Variants in CREBBP observed in about 807,000 individuals in gnomAD.
CREBBP encodes the protein CREB-binding protein.
In CREBBP, 19 loss-of-function variants were observed where a neutral mutation model predicts 265.0. The observed-to-expected ratio is 0.07, with a 90% confidence interval of 0.05 to 0.11. CREBBP has a LOEUF of 0.11. CREBBP is among the 10% of genes least tolerant of loss of function. The pLI is 1.00. For synonymous variants in CREBBP, 1,457 were observed against 1,223.7 expected, an observed-to-expected ratio of 1.19 and a Z score of -3.98; for missense variants, 2,525 against 3,219.0, an observed-to-expected ratio of 0.78 and a Z score of 5.22.
chr16:3,879,111 T>A (rs929647632), intron 1 of CREBBP, among the ~76,000 whole-genome samples: 1 of 152,174 alleles, frequency 6.6e-6, no homozygotes, highest in Non-Finnish European at 1.5e-5. Context: ...AACCTGCTGT[T>A]TAACTTTCTT....
chr16:3,725,148 CTCT>C lies in CREBBP; in HGVS notation c.*2567_*2569del, dbSNP rs886768121. On this transcript the variant is annotated 3_prime_UTR_variant, in exon 31 of 31. Coordinates refer to ENST00000262367, the MANE Select transcript of CREBBP (RefSeq NM_004380.3). ...CACAAATATAGGACTTTTTCTTCTC[CTCT>C]TAAGTATACAGCATGAGACACAGCG... The C allele has an allele frequency of 3.0e-5, 7 of 233,304 alleles. No homozygotes were observed. Among genetic ancestry groups the C allele is most frequent in the Non-Finnish European group, 5.1e-5 (6 of 117,926 alleles). The allele number at this position is 233,304 out of a possible 1,614,324, so 14.5% of individuals were successfully genotyped here.
Position 3,727,597 on chromosome 16 carries a change from T to TCCAC in CREBBP, c.*117_*120dup. On this transcript the variant is annotated 3_prime_UTR_variant, in exon 31 of 31. Coordinates refer to ENST00000262367, the MANE Select transcript of CREBBP (RefSeq NM_004380.3). ...TTTGTATTGTTTCTTTAAACATCAA[T>TCCAC]CCACCCTTCCATGGCTCGGAAGTCG... 6.7e-7 allele frequency: 1 copy of TCCAC among 1,500,522 alleles called. No homozygotes were observed. Among genetic ancestry groups the TCCAC allele is most frequent in the Non-Finnish European group, 9.1e-7 (1 of 1,102,138 alleles). 93.0% of individuals were successfully genotyped at this position (1,500,522 alleles called of 1,614,324 possible). A position where few individuals can be genotyped will look rare whatever the true frequency, so the allele number is the denominator to read the frequency against.
chr16:3,852,620 G>C (rs186891896), intron 1 of CREBBP, among the ~76,000 whole-genome samples: 1 of 152,204 alleles, frequency 6.6e-6, no homozygotes, highest in East Asian at 1.9e-4. Flanking sequence ...GAGCCTAAAA[G>C]TATTTGTAGT....
intron 23 of CREBBP, chr16:3,742,490 A>G (rs1395123193): frequency 6.6e-6 from 1 of 152,108 alleles, no homozygotes; most frequent in African/African-American, 2.4e-5. Context: ...TTGTATCTTC[A>G]TCCATGGCGC....
chr16:3,820,596 A>C (rs1035568062), intron 2 of CREBBP, among the ~76,000 whole-genome samples: 2 of 152,344 alleles, frequency 1.3e-5, no homozygotes, highest in African/African-American at 2.4e-5. Flanking sequence ...GTCTTTCAAG[A>C]AGCATTCCTT....
intron 2 of CREBBP, among the ~76,000 whole-genome samples, chr16:3,814,835 C>T (rs1447984130): frequency 6.6e-6 from 1 of 152,136 alleles, no homozygotes; most frequent in African/African-American, 2.4e-5. Context: ...AAAACCCAGG[C>T]TACATGCAGG....
chr16:3,849,268 C>G (rs1433120858), intron 2 of CREBBP, among the ~76,000 whole-genome samples: 4 of 152,022 alleles, frequency 2.6e-5, no homozygotes, highest in Non-Finnish European at 5.9e-5. Context: ...CACATCTATC[C>G]AGGCATCTGC....
At chr16:3,730,290 C>A (rs1258234706) in intron 30 of CREBBP, among the ~76,000 whole-genome samples, 1 of 152,184 alleles carries the variant, frequency 6.6e-6, no homozygotes. Flanking sequence ...TCAGCCCTTG[C>A]CACAGCCTGT....
rs775138594 is a variant in CREBBP at position 3,729,503 on chromosome 16, G to A, written c.5544C>T (p.His1848=). 6 of 1,614,102 alleles carry A rather than the reference G, an allele frequency of 3.7e-6. No individual in the cohort carries two copies. In the African/African-American group the frequency reaches 6.7e-5, roughly 18 times the overall value. ...GCTGGATCTGCTGCTGGCGGAGCTT[G>A]TGTTTGATGTTGAGGCAGAAGGGCA... ...CPVPFCLNIK[H]KLRQQQIQHR... Residue 1848 remains histidine, a synonymous_variant, in exon 31 of 31, where the codon CAC becomes CAT. Transcript: ENST00000262367.
intron 1 of CREBBP, among the ~76,000 whole-genome samples, chr16:3,875,842 C>G (rs1269200136): frequency 6.6e-6 from 1 of 152,136 alleles, no homozygotes; most frequent in Non-Finnish European, 1.5e-5. Context: ...GAGAAAAGCA[C>G]TCTGATACAT....
rs145243731 is a variant in CREBBP at position 3,864,945 on chromosome 16, T to C, written c.86-13936A>G. Among the ~76,000 whole-genome samples, 447 of 152,156 alleles carry C rather than the reference T, an allele frequency of 2.9e-3. 3 individuals are homozygous for C. The highest frequency in any genetic ancestry group is 5.2e-3 in the Non-Finnish European group (352 of 68,000). On this transcript the variant is annotated intron_variant, in intron 1 of 30. Coordinates refer to ENST00000262367, the MANE Select transcript of CREBBP (RefSeq NM_004380.3). ...AGCGGGGCATGGTAGTGCATGCCTGTAATCCCAGGAGGCTGAGGCACCAGA... is the reference window on the plus strand; with the variant it reads ...AGCGGGGCATGGTAGTGCATGCCTGCAATCCCAGGAGGCTGAGGCACCAGA...
intron 1 of CREBBP, among the ~76,000 whole-genome samples, chr16:3,863,925 C>G (rs117721687): frequency 6.6e-6 from 1 of 152,178 alleles, no homozygotes; most frequent in African/African-American, 2.4e-5. Flanking sequence ...GGAGCAAAAA[C>G]GGGTTGTTTA....
intron 3 of CREBBP, among the ~76,000 whole-genome samples, chr16:3,807,774 A>AAAGATGTT (rs1280525203): frequency 6.6e-6 from 1 of 152,146 alleles, no homozygotes; most frequent in Non-Finnish European, 1.5e-5. Flanking sequence ...AATTACCTAG[A>AAAGATGTT]AAGATGTTGG....
At chr16:3,819,044 G>A (rs933894613) in intron 2 of CREBBP, among the ~76,000 whole-genome samples, 8 of 152,248 alleles carry the variant, frequency 5.3e-5, no homozygotes, top group Admixed American at 4.6e-4. Flanking sequence ...GCCAGTAGCC[G>A]GGACAGAGAC....
intron 1 of CREBBP, among the ~76,000 whole-genome samples, chr16:3,869,743 C>T (rs1456018130): frequency 6.6e-6 from 1 of 152,154 alleles, no homozygotes; most frequent in Non-Finnish European, 1.5e-5. Context: ...CTGGACAGCG[C>T]TGGCTTGGAG....
chr16:3,768,504 T>G (rs544158294), intron 15 of CREBBP, among the ~76,000 whole-genome samples: 1 of 152,290 alleles, frequency 6.6e-6, no homozygotes, highest in South Asian at 2.1e-4. Context: ...CTCAGATTTT[T>G]CACTACAGAT....
At chr16:3,876,079 C>A (rs2055393510) in intron 1 of CREBBP, among the ~76,000 whole-genome samples, 1 of 152,032 alleles carries the variant, frequency 6.6e-6, no homozygotes, top group African/African-American at 2.4e-5. Flanking sequence ...CACTCTGTCA[C>A]CCAGGCCAGA....
rs754866535 is a variant in CREBBP, at chr16:3,782,742, A to G, written c.1515T>C (p.Pro505=). 1.2e-6 allele frequency: 2 copies of G among 1,614,196 alleles called. No individual in the cohort carries two copies. Among genetic ancestry groups the G allele is most frequent in the South Asian group, 2.2e-5 (2 of 91,086 alleles). ...TTTGAGGCTGTGCTGGTTGCTGGCC[A>G]GGAACCTGAGGCTGCAGCTGCGTCT... ...QPQTQLQPQV[P]GQQPAQPQTH... is the part of the protein sequence containing the mutation. Residue 505 remains proline (P), a synonymous_variant, in exon 6 of 31, where the codon CCT becomes CCC. Transcript: ENST00000262367.
rs373840169 is a variant in CREBBP, at chr16:3,810,594, G to A, written c.975+9C>T. The A allele has an allele frequency of 6.2e-7, 1 of 1,613,460 alleles. No homozygotes were observed. The highest frequency in any genetic ancestry group is 8.5e-7 in the Non-Finnish European group (1 of 1,179,960). On this transcript the variant is annotated intron_variant, in intron 3 of 30. Coordinates refer to ENST00000262367, the MANE Select transcript of CREBBP (RefSeq NM_004380.3). Reference sequence around the variant, plus strand: ...AGAGCCATAACACTGAGGGCCAAGGGTAACTTACCATATTTGGCACGTTGG... The same window carrying A: ...AGAGCCATAACACTGAGGGCCAAGGATAACTTACCATATTTGGCACGTTGG...
Sources: gnomAD v4.1 joint callset for allele counts (sites outside exome capture counted in the v4.1 genomes callset) on GRCh38, gnomAD v4.1.1 for gene constraint, MANE v1.5 for transcripts, NCBI Gene and HGNC (gene_info 2026-07-23, HGNC 2026-07-21) for gene names.